DNAH11: variants seen among roughly 807,000 people sequenced by gnomAD.
DNAH11 encodes the protein axonemal beta dynein heavy chain 11.
A neutral mutation model predicts 526.0 loss-of-function variants in DNAH11; 442 were observed. The ratio of observed to expected loss-of-function variants is 0.84; its 90% CI spans 0.78 to 0.91. The LOEUF is 0.91. Among genes scored for constraint, DNAH11 ranks in the 40% least tolerant of loss-of-function variants. The pLI is 0.00. For missense variants in DNAH11, 6,989 were observed against 5,448.7 expected, an observed-to-expected ratio of 1.28 and a Z score of -8.90; for synonymous variants, 2,461 against 1,935.9, an observed-to-expected ratio of 1.27 and a Z score of -7.12.
intron 44 of DNAH11, 58 bp from the exon 45 acceptor site, chr7:21,725,753 T>C: frequency 1.3e-6 from 2 of 1,520,082 alleles, no homozygotes; most frequent in Non-Finnish European, 1.8e-6. Context: ...ATTTGTTTCT[T>C]TTTTTACAGT....
At chr7:21,582,271 C>G (rs75537552) in intron 9 of DNAH11, among the ~76,000 whole-genome samples, 1,619 of 152,288 alleles carry the variant, frequency 0.011, 55 homozygotes, top group South Asian at 0.071. Flanking sequence ...CTCTCATTAT[C>G]TTCACAGCAA....
intron 74 of DNAH11, among the ~76,000 whole-genome samples, chr7:21,874,014 C>A (rs1277294988): frequency 6.6e-6 from 1 of 151,992 alleles, no homozygotes; most frequent in African/African-American, 2.4e-5. Flanking sequence ...TGGTCTTGAA[C>A]TCCTGACCTC....
intron 68 of DNAH11, among the ~76,000 whole-genome samples, chr7:21,857,515 G>A (rs1400022330): frequency 2.8e-5 from 4 of 140,710 alleles, no homozygotes; most frequent in Admixed American, 2.2e-4. Context: ...ACTTAAAATA[G>A]CTAAACAATT....
intron 61 of DNAH11, among the ~76,000 whole-genome samples, chr7:21,794,639 T>C (rs1029789581): frequency 6.6e-6 from 1 of 151,954 alleles, no homozygotes; most frequent in Non-Finnish European, 1.5e-5. Context: ...GTGGTGCTGT[T>C]GAACAGCCAC....
rs369182142 is a variant in DNAH11 at position 21,801,165 on chromosome 7, C to A, written c.10055C>A (p.Thr3352Lys). ...CTGGATCGAAATCTGAGCAGACTCA[C>A]GGCTTCATTTGAAAAAGCAACAGCT... is the stretch of plus-strand genomic sequence containing the variant. ...VDLDRNLSRL[T>K]ASFEKATAEK... Residue 3352 changes from threonine to lysine, a missense_variant, in exon 62 of 82, where the codon ACG becomes AAG. Physicochemically the swap from Thr to Lys is moderately conservative, Grantham distance 78. Transcript: ENST00000409508. 1 of 1,611,190 alleles carries A rather than the reference C, an allele frequency of 6.2e-7. No homozygotes were observed. The highest frequency in any genetic ancestry group is 2.2e-5 in the East Asian group (1 of 44,826).
chr7:21,660,066 T>C (rs1782179109), intron 30 of DNAH11, among the ~76,000 whole-genome samples: 1 of 152,092 alleles, frequency 6.6e-6, no homozygotes, highest in Non-Finnish European at 1.5e-5. Context: ...CAGGATTCAA[T>C]TGAAAGAAGT....
chr7:21,781,125 A>G (rs1217758134), intron 57 of DNAH11, among the ~76,000 whole-genome samples: 1 of 152,226 alleles, frequency 6.6e-6, no homozygotes, highest in African/African-American at 2.4e-5. Context: ...GCTAGATACT[A>G]TGCTATGCCA....
At chr7:21,884,821 T>C (rs76307823) in intron 76 of DNAH11, among the ~76,000 whole-genome samples, 1,525 of 152,348 alleles carry the variant, frequency 0.01, 12 homozygotes, top group Non-Finnish European at 0.014. Flanking sequence ...TAGAAGTCTT[T>C]TGATTTCTAT....
chr7:21,882,245 A>T (rs1783950310), intron 75 of DNAH11, among the ~76,000 whole-genome samples: 1 of 152,162 alleles, frequency 6.6e-6, no homozygotes, highest in Non-Finnish European at 1.5e-5. Context: ...TGAGTCTTGG[A>T]AACACCAGTT....
intron 75 of DNAH11, among the ~76,000 whole-genome samples, chr7:21,883,397 A>G (rs1362658887): frequency 6.6e-6 from 1 of 152,228 alleles, no homozygotes. Context: ...GAGTAGGTAC[A>G]GTGATTTCTT....
Position 21,894,934 on chromosome 7 carries a change from T to TTA in DNAH11, c.12986_12987dup (p.Asp4330MetfsTer19). 6.2e-7 allele frequency: 1 copy of TTA among 1,613,956 alleles called. No homozygotes were observed. Among genetic ancestry groups the TTA allele is most frequent in the Non-Finnish European group, 8.5e-7 (1 of 1,179,876 alleles). On this transcript the variant is annotated frameshift_variant, in exon 79 of 82. Transcript: ENST00000409508. LOFTEE classifies it high-confidence loss of function. ...TGGAAGCCCAGCAGTTTGCATTGAG[T>TTA]TATGACACGGTACCAGACACTTGGA...
chr7:21,643,322 A>C (rs1171208511), intron 28 of DNAH11, among the ~76,000 whole-genome samples: 1 of 152,208 alleles, frequency 6.6e-6, no homozygotes, highest in Non-Finnish European at 1.5e-5. Flanking sequence ...ACTTTGGGCA[A>C]TCAAGGTGTT....
intron 68 of DNAH11, among the ~76,000 whole-genome samples, chr7:21,859,629 A>C (rs1782979381): frequency 6.6e-6 from 1 of 152,190 alleles, no homozygotes; most frequent in African/African-American, 2.4e-5. Context: ...ACTCAAATAT[A>C]CATACTTCAA....
chr7:21,833,992 G>A (rs529832671), intron 65 of DNAH11, among the ~76,000 whole-genome samples: 1 of 152,230 alleles, frequency 6.6e-6, no homozygotes, highest in Non-Finnish European at 1.5e-5. Flanking sequence ...CCACACTCTA[G>A]ACCAAATGGA....
chr7:21,616,963 C>T (rs753655603), intron 22 of DNAH11, among the ~76,000 whole-genome samples: 48 of 152,152 alleles, frequency 3.2e-4, no homozygotes, highest in Middle Eastern at 3.2e-3. Context: ...TACCCACTCT[C>T]GCCTGTATTT....
At chr7:21,768,243 G>T (rs760969167) in intron 55 of DNAH11, among the ~76,000 whole-genome samples, 3 of 152,192 alleles carry the variant, frequency 2.0e-5, no homozygotes, top group African/African-American at 7.2e-5. Context: ...GGGTAAACCT[G>T]GGAACAGTGT....
intron 40 of DNAH11, among the ~76,000 whole-genome samples, chr7:21,709,652 C>G (rs138871571): frequency 6.6e-6 from 1 of 152,286 alleles, no homozygotes; most frequent in East Asian, 1.9e-4. Flanking sequence ...GTCTTGTGTA[C>G]ACTCCTTTTT....
intron 54 of DNAH11, among the ~76,000 whole-genome samples, chr7:21,764,955 T>C (rs528272646): frequency 1.3e-5 from 2 of 152,214 alleles, no homozygotes; most frequent in South Asian, 4.1e-4. Context: ...ATGTATTTCA[T>C]TTTAAATGGA....
At chr7:21,851,200 TAGTG>T in intron 66 of DNAH11, 1 of 187,216 alleles carries the variant, frequency 5.3e-6, no homozygotes, top group East Asian at 1.3e-4. Flanking sequence ...GTTCTTGTGA[TAGTG>T]AGTGAGTTCT....
Sources: allele counts gnomAD v4.1 joint callset (sites outside exome capture counted in the v4.1 genomes callset), GRCh38; gene constraint gnomAD v4.1.1; transcripts MANE v1.5; gene names NCBI Gene and HGNC (gene_info 2026-07-23, HGNC 2026-07-21).